WHAMM: variants seen among roughly 807,000 people sequenced by gnomAD.
WHAMM encodes WASP homolog associated with actin, golgi membranes and microtubules, also known as WASP homolog-associated protein with actin, membranes and microtubules.
Under a neutral mutation model 76.5 loss-of-function variants are expected in WHAMM, and 67 were observed. That is an observed-to-expected ratio of 0.88 (90% confidence interval 0.72 to 1.07). The LOEUF (loss-of-function observed/expected upper bound fraction) is 1.07. Ranked by LOEUF, WHAMM falls within the 50% of genes least tolerant of loss-of-function variation. The pLI is 0.00. For missense variants in WHAMM, 1,021 were observed against 1,051.1 expected, an observed-to-expected ratio of 0.97 and a Z score of 0.40; for synonymous variants, 419 against 422.1, an observed-to-expected ratio of 0.99 and a Z score of 0.09.
chr15:82,820,666 G>A (rs1277067136), intron 5 of WHAMM, among the ~76,000 whole-genome samples: 1 of 152,052 alleles, frequency 6.6e-6, no homozygotes, highest in Non-Finnish European at 1.5e-5. Flanking sequence ...AGGCTGAGTG[G>A]GGCAGATCAC....
At position 82,810,236 on chromosome 15, in the gene WHAMM, C is replaced by T. The variant is rs930905345; in HGVS notation, c.510C>T (p.Phe170=). 5.7e-6 allele frequency: 8 copies of T among 1,408,552 alleles called. No homozygotes were observed. In the African/African-American group the frequency reaches 9.0e-5, roughly 16 times the overall value. The allele number at this position is 1,408,552 out of a possible 1,614,324, so 87.3% of individuals were successfully genotyped here. Residue 170 remains phenylalanine (F), a synonymous_variant, in exon 1 of 10, where the codon TTC becomes TTT. Coordinates refer to ENST00000286760, the MANE Select transcript of WHAMM (RefSeq NM_001080435.3). ...GCGCCACAGTGCGCGACGCACTCTT[C>T]CCGGCTGAGGGCGGCGCGGCCGACT... is the stretch of plus-strand genomic sequence containing the variant. The part of the protein sequence containing the change: ...CGGATVRDAL[F]PAEGGAADCE...
At chr15:82,813,051 A>G in intron 1 of WHAMM, 52 bp from the exon 2 acceptor site, 1 of 1,320,990 alleles carries the variant, frequency 7.6e-7, no homozygotes, top group Non-Finnish European at 9.9e-7. Flanking sequence ...TTTGTTGGGT[A>G]TGTATTAAAT....
chr15:82,822,042 T>C (rs1015527215), intron 5 of WHAMM, among the ~76,000 whole-genome samples: 2 of 152,198 alleles, frequency 1.3e-5, no homozygotes, highest in Non-Finnish European at 2.9e-5. Context: ...GCATGCCAGA[T>C]TGTTCATAAT....
chr15:82,820,159 AT>A (rs1281749326), intron 5 of WHAMM, among the ~76,000 whole-genome samples: 1 of 152,170 alleles, frequency 6.6e-6, no homozygotes, highest in Non-Finnish European at 1.5e-5. Flanking sequence ...TTTTTAAACA[AT>A]TTTTAATTTT....
intron 2 of WHAMM, among the ~76,000 whole-genome samples, chr15:82,815,613 A>C (rs1378664573): frequency 6.6e-6 from 1 of 152,134 alleles, no homozygotes; most frequent in Non-Finnish European, 1.5e-5. Flanking sequence ...GTGATTACTC[A>C]ATGTTTAACC....
At position 82,826,793 on chromosome 15, in the gene WHAMM, T is replaced by C; in HGVS notation, c.1588T>C (p.Trp530Arg). The part of the protein sequence containing the change: ...IKEEEQKKKE[W>R]INQERQKTLQ... Reference sequence around the variant, plus strand: ...AGAAGAGGAGCAAAAGAAAAAAGAATGGATCAACCAAGAACGTCAAAAAAC... The same window carrying C: ...AGAAGAGGAGCAAAAGAAAAAAGAACGGATCAACCAAGAACGTCAAAAAAC... Residue 530 changes from tryptophan to arginine, a missense_variant, in exon 8 of 10, where the codon TGG (tryptophan) becomes CGG (arginine). This residue lies in a region of WHAMM where 509 missense variants were observed against 492.3 expected (regional missense o/e 1.03). Coordinates refer to ENST00000286760, the MANE Select transcript of WHAMM (RefSeq NM_001080435.3). 1 of 1,549,350 alleles carries C rather than the reference T, an allele frequency of 6.5e-7. No individual in the cohort carries two copies. The highest frequency in any genetic ancestry group is 8.7e-7 in the Non-Finnish European group (1 of 1,146,950).
At position 82,813,113 on chromosome 15, in the gene WHAMM, G is replaced by T; in HGVS notation, c.620G>T (p.Gly207Val). The change falls in exon 2 of 10, where the codon GGA (glycine) becomes GTA (valine). Residue 207 changes from glycine (G) to valine (V), a missense_variant. Transcript: ENST00000286760. ...ADARLRQVIQ[G>V]HGKANTMVAL... ...ACATTTGCTTTCTAGGTTATTCAAG[G>T]ACACGGAAAAGCCAACACCATGGTA... The T allele has an allele frequency of 1.9e-6, 3 of 1,600,296 alleles. No homozygotes were observed. Among genetic ancestry groups the T allele is most frequent in the Non-Finnish European group, 2.6e-6 (3 of 1,175,572 alleles).
In WHAMM at chr15:82,818,231, T is replaced by C; in HGVS notation, c.1104+142T>C. ...GAAGTTTGGGCTTTTAGTGTAATCA[T>C]CACCTGTATAATGTAATTGTACCTA... On this transcript the variant is annotated intron_variant, in intron 4 of 9. Coordinates refer to ENST00000286760, the MANE Select transcript of WHAMM (RefSeq NM_001080435.3). The C allele has an allele frequency of 7.2e-6, 6 of 828,634 alleles. No homozygotes were observed. In the South Asian group the frequency reaches 1.1e-4, roughly 16 times the overall value. The allele number at this position is 828,634 out of a possible 1,614,324, so 51.3% of individuals were successfully genotyped here.
chr15:82,813,444 G>T (rs905398537), intron 2 of WHAMM, among the ~76,000 whole-genome samples, 168 bp downstream of exon 2: 1 of 151,976 alleles, frequency 6.6e-6, no homozygotes, highest in Non-Finnish European at 1.5e-5. Flanking sequence ...TGTTGCTCAG[G>T]CTGGTTTCGA....
At chr15:82,824,162 C>CTTTTTT (rs71156055) in intron 6 of WHAMM, among the ~76,000 whole-genome samples, 6 of 118,078 alleles carry the variant, frequency 5.1e-5, no homozygotes, top group Non-Finnish European at 6.9e-5. Flanking sequence ...TACTTTTCTC[C>CTTTTTT]TTTTTTTTTT....
chr15:82,814,679 C>T (rs1175458153), intron 2 of WHAMM, among the ~76,000 whole-genome samples: 2 of 151,420 alleles, frequency 1.3e-5, no homozygotes, highest in African/African-American at 4.9e-5. Flanking sequence ...CTCGAACTCC[C>T]GACCTCAGGT....
In WHAMM at chr15:82,810,258, G is replaced by C. The variant is rs2050604739; in HGVS notation, c.532G>C (p.Asp178His). 3 of 1,388,884 alleles carry C rather than the reference G, an allele frequency of 2.2e-6. No homozygotes were observed. The highest frequency in any genetic ancestry group is 2.8e-6 in the Non-Finnish European group (3 of 1,073,188). The allele number at this position is 1,388,884 out of a possible 1,614,324, so 86.0% of individuals were successfully genotyped here. A position where few individuals can be genotyped will look rare whatever the true frequency, so the allele number is the denominator to read the frequency against. ...CTTCCCGGCTGAGGGCGGCGCGGCC[G>C]ACTGCGAAAGCCCGCGCGAGTTCCG... ...ALFPAEGGAA[D>H]CESPREFRER... The change falls in exon 1 of 10, where the codon GAC becomes CAC. Residue 178 changes from aspartate to histidine, a missense_variant. Transcript: ENST00000286760.
chr15:82,833,235 T>C lies in WHAMM; in HGVS notation c.2129T>C (p.Met710Thr), dbSNP rs369317992. 1.9e-6 allele frequency: 3 copies of C among 1,613,348 alleles called. No individual in the cohort carries two copies. The highest frequency in any genetic ancestry group is 2.2e-5 in the East Asian group (1 of 44,896). The part of the protein sequence containing the change: ...SLESFSCPGS[M>T]DEVLASLRHG... The stretch of plus-strand genomic sequence containing the variant: ...TCTGCTTATTCAATTTCAGGATCTA[T>C]GGATGAAGTGTTGGCCTCCTTAAGG... The change falls in exon 10 of 10, where the codon ATG becomes ACG. Residue 710 changes from methionine to threonine, a missense_variant. Transcript: ENST00000286760.
At chr15:82,815,508 G>T (rs1013571794) in intron 2 of WHAMM, among the ~76,000 whole-genome samples, 2 of 152,074 alleles carry the variant, frequency 1.3e-5, no homozygotes, top group African/African-American at 2.4e-5. Flanking sequence ...TGGCTATTAT[G>T]AATAATTCTG....
chr15:82,833,259 G>GGCAT lies in WHAMM; in HGVS notation c.2155_2158dup (p.Gly720AlafsTer23). ...ATGGATGAAGTGTTGGCCTCCTTAA[G>GGCAT]GCATGGCAGAGCTCCTCTCCGGAAG... On this transcript the variant is annotated frameshift_variant, in exon 10 of 10. Coordinates refer to ENST00000286760, the MANE Select transcript of WHAMM (RefSeq NM_001080435.3). LOFTEE classifies it low-confidence loss of function (END_TRUNC). 1 of 1,613,980 alleles carries GGCAT rather than the reference G, an allele frequency of 6.2e-7. No individual in the cohort carries two copies. The highest frequency in any genetic ancestry group is 1.1e-5 in the South Asian group (1 of 91,066).
At chr15:82,821,347 A>C (rs2050823904) in intron 5 of WHAMM, among the ~76,000 whole-genome samples, 1 of 152,104 alleles carries the variant, frequency 6.6e-6, no homozygotes, top group Non-Finnish European at 1.5e-5. Flanking sequence ...ATATATGCTT[A>C]TGTTTTCTTT....
Position 82,835,132 on chromosome 15 carries a change from T to TG in WHAMM, c.*1597dup, listed in dbSNP as rs1460557904. On this transcript the variant is annotated 3_prime_UTR_variant, in exon 10 of 10. Coordinates refer to ENST00000286760, the MANE Select transcript of WHAMM (RefSeq NM_001080435.3). The stretch of plus-strand genomic sequence containing the variant: ...AGAAATCTTCCTACTTCAGTTTTTT[T>TG]GTTTTTTTTTTTGAGACAGAGTCTT... 5.8e-5 allele frequency: 5 copies of TG among 86,252 alleles called. No individual in the cohort carries two copies. The highest frequency in any genetic ancestry group is 1.1e-4 in the Non-Finnish European group (5 of 44,086). The allele number at this position is 86,252 out of a possible 1,614,324, so 5.3% of individuals were successfully genotyped here. A position where few individuals can be genotyped will look rare whatever the true frequency, so the allele number is the denominator to read the frequency against.
At position 82,833,271 on chromosome 15, in the gene WHAMM, C is replaced by G; in HGVS notation, c.2165C>G (p.Ala722Gly). 6.2e-7 allele frequency: 1 copy of G among 1,613,964 alleles called. No individual in the cohort carries two copies. The highest frequency in any genetic ancestry group is 8.5e-7 in the Non-Finnish European group (1 of 1,179,866). ...EVLASLRHGR[A>G]PLRKVEVPAV... is the part of the protein sequence containing the mutation. ...TTGGCCTCCTTAAGGCATGGCAGAG[C>G]TCCTCTCCGGAAGGTGGAAGTGCCG... Residue 722 changes from alanine (A) to glycine (G), a missense_variant, in exon 10 of 10, where the codon GCT (alanine) becomes GGT (glycine). By Grantham distance (60) the Ala-to-Gly change is moderately conservative (BLOSUM62 0). This residue lies in a region of WHAMM where 509 missense variants were observed against 492.3 expected (regional missense o/e 1.03). Coordinates refer to ENST00000286760, the MANE Select transcript of WHAMM (RefSeq NM_001080435.3).
rs76374995 is a variant in WHAMM at position 82,813,107 on chromosome 15, T to A, written c.614T>A (p.Ile205Asn). The A allele has an allele frequency of 0.01, 16,365 of 1,599,014 alleles. 158 individuals carry two copies. The highest frequency in any genetic ancestry group is 0.058 in the East Asian group (2,616 of 44,764). Residue 205 changes from isoleucine (I) to asparagine (N), a missense_variant, in exon 2 of 10, where the codon ATT becomes AAT. Ile to Asn is a moderately radical substitution (Grantham distance 149). This residue lies in a region of WHAMM where 501 missense variants were observed against 524.9 expected (regional missense o/e 0.95). Transcript: ENST00000286760. ...TTATTCACATTTGCTTTCTAGGTTA[T>A]TCAAGGACACGGAAAAGCCAACACC... is the stretch of plus-strand genomic sequence containing the variant. ...VEADARLRQV[I>N]QGHGKANTMV...
Sources: gnomAD v4.1 joint callset for allele counts (sites outside exome capture counted in the v4.1 genomes callset) on GRCh38, gnomAD v4.1.1 for gene constraint, gnomAD v4.1.1 regional missense constraint, MANE v1.5 for transcripts, NCBI Gene and HGNC (gene_info 2026-07-23, HGNC 2026-07-21) for gene names.